HMGB1: variants seen among roughly 807,000 people sequenced by gnomAD.
The protein encoded by HMGB1 is high mobility group box 1.
For synonymous variants in HMGB1, 81 were observed against 84.0 expected (o/e 0.96, Z 0.19); for missense variants, 79 against 253.5 (o/e 0.31, Z 4.67).
intron 1 of HMGB1, among the ~76,000 whole-genome samples, chr13:30,487,683 A>G (rs1226078898): frequency 1.3e-5 from 2 of 152,240 alleles, no homozygotes; most frequent in Non-Finnish European, 2.9e-5. Context: ...TACGGGCTAA[A>G]AAAGGTTGCA....
At chr13:30,578,038 A>G (rs553123390) in intron 1 of HMGB1, among the ~76,000 whole-genome samples, 2 of 151,932 alleles carry the variant, frequency 1.3e-5, no homozygotes, top group East Asian at 3.9e-4. Flanking sequence ...CCTCATCCAC[A>G]TGGAGGTAAG....
chr13:30,566,009 G>T (rs577777902), intron 1 of HMGB1, among the ~76,000 whole-genome samples: 1 of 152,210 alleles, frequency 6.6e-6, no homozygotes, highest in African/African-American at 2.4e-5. Flanking sequence ...CTGGTGGCAG[G>T]GTCCTATTCA....
chr13:30,580,981 C>T (rs780727804), intron 1 of HMGB1, among the ~76,000 whole-genome samples: 47 of 152,206 alleles, frequency 3.1e-4, no homozygotes, highest in Admixed American at 2.5e-3. Flanking sequence ...CACTCTGTCA[C>T]CTAGGCTGGA....
intron 1 of HMGB1, among the ~76,000 whole-genome samples, chr13:30,530,887 A>C (rs1163556463): frequency 1.3e-5 from 2 of 152,148 alleles, no homozygotes; most frequent in Non-Finnish European, 2.9e-5. Context: ...TCTCTACAAA[A>C]AATACAAAAA....
rs1455608509 is a variant in HMGB1 at position 30,538,720 on chromosome 13, TTTTC to T, written c.-14-75030_-14-75027del. Among the ~76,000 whole-genome samples, 52 of 111,188 alleles carry T rather than the reference TTTTC, an allele frequency of 4.7e-4. 1 individual carries two copies. Among genetic ancestry groups the T allele is most frequent in the African/African-American group, 1.2e-3 (28 of 24,170 alleles). 72.9% of individuals were successfully genotyped at this position (111,188 alleles called of 152,430 possible). ...TTCTTTCTTTTTCTTTCTTTCTTCT[TTTTC>T]TTTCTTTTTCTTTCTTTCTTCTTTT... is the stretch of plus-strand genomic sequence containing the variant. On this transcript the variant is annotated intron_variant, in intron 1 of 4. Transcript: ENST00000405805.
At chr13:30,560,375 C>T (rs968843563) in intron 1 of HMGB1, among the ~76,000 whole-genome samples, 1 of 152,086 alleles carries the variant, frequency 6.6e-6, no homozygotes, top group African/African-American at 2.4e-5. Context: ...GTAGCCTTAG[C>T]GAGAACAATT....
At chr13:30,525,970 T>G (rs1455731654) in intron 1 of HMGB1, among the ~76,000 whole-genome samples, 2 of 152,210 alleles carry the variant, frequency 1.3e-5, no homozygotes, top group African/African-American at 4.8e-5. Flanking sequence ...GTGTTGGGAT[T>G]ATAGGCATGA....
chr13:30,572,547 C>G (rs1458680615), intron 1 of HMGB1, among the ~76,000 whole-genome samples: 1 of 152,218 alleles, frequency 6.6e-6, no homozygotes, highest in Non-Finnish European at 1.5e-5. Flanking sequence ...TCCTTTAACT[C>G]TCACATCTGC....
intron 1 of HMGB1, among the ~76,000 whole-genome samples, chr13:30,578,534 T>C (rs1000253404): frequency 6.6e-6 from 1 of 152,054 alleles, no homozygotes; most frequent in Non-Finnish European, 1.5e-5. Context: ...TATTTCCCAT[T>C]TGAAGCAATG....
chr13:30,544,200 A>G (rs975653234), intron 1 of HMGB1, among the ~76,000 whole-genome samples: 1 of 152,230 alleles, frequency 6.6e-6, no homozygotes, highest in Non-Finnish European at 1.5e-5. Context: ...TCACCTCAGA[A>G]TGTCCACTTC....
chr13:30,490,649 G>A (rs181641628), intron 1 of HMGB1, among the ~76,000 whole-genome samples: 20 of 151,580 alleles, frequency 1.3e-4, no homozygotes, highest in Admixed American at 1.1e-3. Context: ...TTAGGAATTC[G>A]GCGAATAAAA....
intron 1 of HMGB1, among the ~76,000 whole-genome samples, chr13:30,498,035 C>G (rs1442008606): frequency 1.3e-5 from 2 of 152,212 alleles, no homozygotes; most frequent in African/African-American, 4.8e-5. Flanking sequence ...AATCGCCAAA[C>G]TGCTTTCCAC....
intron 1 of HMGB1, among the ~76,000 whole-genome samples, chr13:30,496,006 T>C (rs961427275): frequency 2.0e-5 from 3 of 152,186 alleles, no homozygotes; most frequent in Admixed American, 1.3e-4. Flanking sequence ...ATTGTATCCT[T>C]TGCTCTGCTG....
intron 1 of HMGB1, among the ~76,000 whole-genome samples, chr13:30,479,523 C>T (rs1887180003): frequency 1.3e-5 from 2 of 152,212 alleles, no homozygotes; most frequent in Admixed American, 1.3e-4. Flanking sequence ...ACTTCAGTAA[C>T]ATTTAAGTCA....
At chr13:30,513,103 T>G (rs1321358959) in intron 1 of HMGB1, among the ~76,000 whole-genome samples, 1 of 151,918 alleles carries the variant, frequency 6.6e-6, no homozygotes, top group Non-Finnish European at 1.5e-5. Context: ...GCAGAGGTTG[T>G]AGTGAGCTGA....
At position 30,559,367 on chromosome 13, in the gene HMGB1, C is replaced by T. The variant is rs1322742761; in HGVS notation, c.-15+57304G>A. 1.3e-5 allele frequency among the ~76,000 whole-genome samples: 2 copies of T among 152,178 alleles called. No individual in the cohort carries two copies. Among genetic ancestry groups the T allele is most frequent in the East Asian group, 3.9e-4 (2 of 5,186 alleles). ...TTATTTTACAGGGTGAACTCCCAAT[C>T]CCGGTAAGATGGCCCGAGTTTCATT... On this transcript the variant is annotated intron_variant, in intron 1 of 4. Transcript: ENST00000405805. This position sits in a 1 kb window ranked among gnomAD's most constrained non-coding sequence, Gnocchi z 6.6.
intron 1 of HMGB1, among the ~76,000 whole-genome samples, chr13:30,566,064 C>T (rs938641578): frequency 1.3e-5 from 2 of 152,188 alleles, no homozygotes; most frequent in African/African-American, 4.8e-5. Flanking sequence ...GGGCCATTTT[C>T]TGAGTACCAT....
At chr13:30,505,161 T>G (rs903669709) in intron 1 of HMGB1, among the ~76,000 whole-genome samples, 1 of 150,836 alleles carries the variant, frequency 6.6e-6, no homozygotes, top group Non-Finnish European at 1.5e-5. Context: ...TTTATATATT[T>G]GTTGTTGTCG....
intron 1 of HMGB1, among the ~76,000 whole-genome samples, chr13:30,616,108 G>C (rs2137581480): frequency 6.6e-6 from 1 of 152,140 alleles, no homozygotes; most frequent in African/African-American, 2.4e-5. Flanking sequence ...AAACGAAAGG[G>C]GTTTTCTAGT....
Sources: allele counts gnomAD v4.1 joint callset (sites outside exome capture counted in the v4.1 genomes callset), GRCh38; gene constraint gnomAD v4.1.1; non-coding constraint Gnocchi (gnomAD v3.1); transcripts MANE v1.5; gene names NCBI Gene and HGNC (gene_info 2026-07-23, HGNC 2026-07-21).